BIRC6: variants seen among roughly 807,000 people sequenced by gnomAD.
BIRC6 encodes the protein baculoviral IAP repeat containing 6.
In BIRC6, 98 loss-of-function variants were observed where a neutral mutation model predicts 503.3. That is an observed-to-expected ratio of 0.19 (90% CI 0.17 to 0.23). BIRC6 has a LOEUF of 0.23. BIRC6 is among the 10% of genes least tolerant of loss of function. BIRC6 has a pLI of 1.00. For synonymous variants in BIRC6, 2,240 were observed against 2,078.7 expected (o/e 1.08, Z -2.11); for missense variants, 5,360 against 5,806.0 (o/e 0.92, Z 2.50).
At chr2:32,469,693 T>G in intron 30 of BIRC6, 79 bp downstream of exon 30, 1 of 1,265,328 alleles carries the variant, frequency 7.9e-7, no homozygotes, top group Admixed American at 2.2e-5. Context: ...TTGAAATCTT[T>G]GAAATGTGGA....
chr2:32,423,045 C>T (rs1264027744), intron 10 of BIRC6, among the ~76,000 whole-genome samples: 1 of 152,174 alleles, frequency 6.6e-6, no homozygotes, highest in Non-Finnish European at 1.5e-5. Flanking sequence ...TCAAGTGATT[C>T]TCCTGCCTCA....
intron 48 of BIRC6, 41 bp from the exon 49 acceptor site, chr2:32,503,001 G>C (rs1483954406): frequency 6.5e-7 from 1 of 1,532,226 alleles, no homozygotes; most frequent in South Asian, 1.2e-5. Context: ...TGAACCATCT[G>C]TCCTGAGATC....
chr2:32,445,370 T>G, intron 20 of BIRC6, 151 bp from the exon 21 acceptor site: 1 of 742,620 alleles, frequency 1.3e-6, no homozygotes, highest in South Asian at 2.4e-5. Context: ...CAAGGAGTTA[T>G]CTTTGTAAAT....
At position 32,388,827 on chromosome 2, in the gene BIRC6, A is replaced by G; in HGVS notation, c.723A>G (p.Lys241=). The G allele has an allele frequency of 4.3e-6, 7 of 1,613,418 alleles. No individual in the cohort carries two copies. The highest frequency in any genetic ancestry group is 5.9e-6 in the Non-Finnish European group (7 of 1,179,608). The part of the protein sequence containing the change: ...IASAIVNELK[K]INQNVAALPV... ...GTGCCATTGTAAATGAACTCAAGAA[A>G]ATAAATCAAAATGTTGCTGCCTTAC... Residue 241 remains lysine (K), a synonymous_variant, in exon 4 of 74, where the codon AAA becomes AAG. Transcript: ENST00000421745.
chr2:32,358,677 A>G (rs1247142698), intron 1 of BIRC6, among the ~76,000 whole-genome samples: 1 of 152,232 alleles, frequency 6.6e-6, no homozygotes, highest in African/African-American at 2.4e-5. Flanking sequence ...GGCATTTGTA[A>G]GAGTAAATGG....
intron 72 of BIRC6, among the ~76,000 whole-genome samples, chr2:32,609,129 C>T (rs1230119079): frequency 6.6e-6 from 1 of 152,130 alleles, no homozygotes; most frequent in Non-Finnish European, 1.5e-5. Flanking sequence ...GGTGATCCGC[C>T]CGCCTCGGCC....
chr2:32,367,618 C>A lies in BIRC6; in HGVS notation c.326-9970C>A, dbSNP rs76989552. On this transcript the variant is annotated intron_variant, in intron 1 of 73. Transcript: ENST00000421745. Reference sequence around the variant, plus strand: ...GGCAGATCAGTTCAGGAGTTTGAGACCAGCCTGGCCAACTTGGTGAAACCC... The same window carrying A: ...GGCAGATCAGTTCAGGAGTTTGAGAACAGCCTGGCCAACTTGGTGAAACCC... Among the ~76,000 whole-genome samples the A allele has an allele frequency of 3.3e-4, 50 of 152,120 alleles. No homozygotes were observed. In the East Asian group the frequency reaches 8.7e-3, roughly 26 times the overall value.
chr2:32,446,117 A>C (rs780276655), intron 21 of BIRC6, among the ~76,000 whole-genome samples: 1 of 152,172 alleles, frequency 6.6e-6, no homozygotes, highest in Non-Finnish European at 1.5e-5. Context: ...CAGCCTCCCA[A>C]AGTGCTGGGA....
Position 32,477,470 on chromosome 2 carries a change from C to T in BIRC6, c.6955C>T (p.Leu2319Phe). 1.2e-6 allele frequency: 2 copies of T among 1,613,992 alleles called. No individual in the cohort carries two copies. The highest frequency in any genetic ancestry group is 1.1e-5 in the South Asian group (1 of 91,074). The change falls in exon 35 of 74, where the codon CTT (leucine) becomes TTT (phenylalanine). Residue 2319 changes from leucine to phenylalanine, a missense_variant. Transcript: ENST00000421745. ...TAKESPEIEPLPFTLAHERCI... is the reference protein window; with the variant it reads ...TAKESPEIEPFPFTLAHERCI... ...AAAAGAAAGTCCTGAGATAGAACCA[C>T]TTCCATTTACTCTGGCCCATGAGCG...
chr2:32,480,992 G>C (rs1047723508), intron 37 of BIRC6, among the ~76,000 whole-genome samples: 1 of 151,838 alleles, frequency 6.6e-6, no homozygotes, highest in Admixed American at 6.6e-5. Context: ...CTTTAATACT[G>C]GGTAACATTA....
intron 13 of BIRC6, among the ~76,000 whole-genome samples, chr2:32,434,350 A>G (rs143221857): frequency 3.9e-5 from 6 of 152,286 alleles, no homozygotes; most frequent in Non-Finnish European, 5.9e-5. Flanking sequence ...ATTTCACGGT[A>G]AAATGGCAAC....
chr2:32,375,938 C>G (rs1371234674), intron 1 of BIRC6, among the ~76,000 whole-genome samples: 2 of 152,064 alleles, frequency 1.3e-5, no homozygotes. Context: ...ATAATCCCGG[C>G]TCTTTGGGAG....
chr2:32,534,888 A>C (rs1558995025), intron 61 of BIRC6, among the ~76,000 whole-genome samples: 1 of 151,962 alleles, frequency 6.6e-6, no homozygotes, highest in Non-Finnish European at 1.5e-5. Context: ...ACATGGACAG[A>C]AACAGTATTG....
chr2:32,586,007 G>A (rs2060996294), intron 66 of BIRC6, among the ~76,000 whole-genome samples: 1 of 152,108 alleles, frequency 6.6e-6, no homozygotes, highest in Admixed American at 6.6e-5. Context: ...CTGAGATTTA[G>A]CTTCTAAGCC....
chr2:32,471,230 G>A (rs2049058672), intron 32 of BIRC6, 106 bp downstream of exon 32: 2 of 1,405,808 alleles, frequency 1.4e-6, no homozygotes, highest in East Asian at 5.2e-5. Flanking sequence ...TATTGGCCTG[G>A]AGCTACCAGC....
chr2:32,366,560 T>A (rs2034960602), intron 1 of BIRC6, among the ~76,000 whole-genome samples: 1 of 152,128 alleles, frequency 6.6e-6, no homozygotes. Context: ...TATATAGAAC[T>A]TAAAAAAATA....
intron 26 of BIRC6, 62 bp from the exon 27 acceptor site, chr2:32,467,463 T>C (rs1057322315): frequency 5.5e-6 from 7 of 1,280,478 alleles, no homozygotes; most frequent in Non-Finnish European, 6.7e-6. Context: ...CAAATTATTT[T>C]TGAGTGTATC....
chr2:32,392,077 T>G lies in BIRC6; in HGVS notation c.878T>G (p.Phe293Cys). ...MYSEANRRETFTSWPHVGYRW... is the reference protein window; with the variant it reads ...MYSEANRRETCTSWPHVGYRW... Reference sequence around the variant, plus strand: ...AGTGAAGCTAACAGACGGGAGACATTTACCTCATGGCCTCATGTAGGCTAT... The same window carrying G: ...AGTGAAGCTAACAGACGGGAGACATGTACCTCATGGCCTCATGTAGGCTAT... The change falls in exon 5 of 74, where the codon TTT becomes TGT. Residue 293 changes from phenylalanine to cysteine, a missense_variant. Transcript: ENST00000421745. The G allele has an allele frequency of 6.3e-7, 1 of 1,596,670 alleles. No individual in the cohort carries two copies. The highest frequency in any genetic ancestry group is 8.5e-7 in the Non-Finnish European group (1 of 1,170,874).
intron 22 of BIRC6, among the ~76,000 whole-genome samples, chr2:32,452,210 C>T (rs940563231): frequency 3.3e-5 from 5 of 152,182 alleles, no homozygotes; most frequent in South Asian, 2.1e-4. Flanking sequence ...ACGTCGAATA[C>T]GGAGGCAGGT....
Sources: allele counts gnomAD v4.1 joint callset (sites outside exome capture counted in the v4.1 genomes callset), GRCh38; gene constraint gnomAD v4.1.1; transcripts MANE v1.5; gene names NCBI Gene and HGNC (gene_info 2026-07-23, HGNC 2026-07-21).